Variants in LARP1B observed in about 807,000 individuals in gnomAD.
The protein encoded by LARP1B is La ribonucleoprotein 1B.
Under a neutral mutation model 114.2 loss-of-function variants are expected in LARP1B, and 76 were observed. The observed-to-expected ratio is 0.67, with a 90% CI of 0.55 to 0.81. LARP1B has a LOEUF of 0.81. Ranked by LOEUF, LARP1B falls within the 30% of genes least tolerant of loss-of-function variation. The pLI is 0.00. For missense variants in LARP1B, 1,014 were observed against 1,075.8 expected (o/e 0.94, Z 0.80); for synonymous variants, 345 against 348.0 (o/e 0.99, Z 0.10).
intron 15 of LARP1B, among the ~76,000 whole-genome samples, chr4:128,191,876 A>G (rs562198111): frequency 7.9e-5 from 12 of 152,234 alleles, no homozygotes; most frequent in South Asian, 2.1e-4. Flanking sequence ...ACTTTTTCCA[A>G]TGAAGAAGCT....
intron 1 of LARP1B, among the ~76,000 whole-genome samples, chr4:128,063,246 G>C (rs943214805): frequency 3.3e-5 from 5 of 150,852 alleles, no homozygotes; most frequent in Non-Finnish European, 5.9e-5. Flanking sequence ...GGCCAATATG[G>C]CGAAACCCCG....
At chr4:128,152,973 C>CTTTT (rs141211750) in intron 11 of LARP1B, among the ~76,000 whole-genome samples, 4 of 81,274 alleles carry the variant, frequency 4.9e-5, no homozygotes, top group Admixed American at 1.4e-4. Flanking sequence ...TTTGGTTTGC[C>CTTTT]TTTTTTTTTT....
At chr4:128,155,788 C>T (rs1347199058) in intron 11 of LARP1B, 19 of 1,591,148 alleles carry the variant, frequency 1.2e-5, no homozygotes, top group Non-Finnish European at 1.6e-5. Flanking sequence ...TGACTTCCTG[C>T]AGGCGGAGAC....
In LARP1B at chr4:128,082,303, G is replaced by A. The variant is rs756487712; in HGVS notation, c.356G>A (p.Arg119Gln). 5.6e-6 allele frequency: 9 copies of A among 1,613,078 alleles called. No homozygotes were observed. In the African/African-American group the frequency reaches 9.3e-5, roughly 17 times the overall value. ...CATAACAATAGGAGAAATGATACAC[G>A]AAGTAAGTTACCATTCTAAGACAAA... ...PTHNNRRNDT[R>Q]SWKRDREKRD... The change falls in exon 5 of 20, where the codon CGA (arginine) becomes CAA (glutamine). Residue 119 changes from arginine (R) to glutamine (Q), a missense_variant and splice_region_variant. Physicochemically the swap from Arg to Gln is conservative, Grantham distance 43. Coordinates refer to ENST00000326639, the MANE Select transcript of LARP1B (RefSeq NM_018078.4).
chr4:128,092,962 G>A (rs1580221009), intron 7 of LARP1B: 1 of 985,346 alleles, frequency 1.0e-6, no homozygotes, highest in Non-Finnish European at 1.2e-6. Context: ...ATACAAGTGA[G>A]GGAGGAGCAG....
chr4:128,091,824 C>T (rs940548509), intron 7 of LARP1B, among the ~76,000 whole-genome samples: 9 of 152,048 alleles, frequency 5.9e-5, no homozygotes, highest in Admixed American at 2.6e-4. Flanking sequence ...ATTGAACTCC[C>T]GGCCTCAGCT....
intron 10 of LARP1B, among the ~76,000 whole-genome samples, chr4:128,116,722 T>C (rs895702820): frequency 1.3e-5 from 2 of 152,190 alleles, no homozygotes; most frequent in Non-Finnish European, 1.5e-5. Context: ...AGCTCAGTTA[T>C]TGACATTATT....
At chr4:128,103,526 C>T (rs1781004489) in intron 8 of LARP1B, among the ~76,000 whole-genome samples, 1 of 151,138 alleles carries the variant, frequency 6.6e-6, no homozygotes, top group East Asian at 1.9e-4. Context: ...TACTATGATA[C>T]CTTACTACAT....
chr4:128,135,174 C>G (rs943540384), intron 11 of LARP1B, among the ~76,000 whole-genome samples: 1 of 151,358 alleles, frequency 6.6e-6, no homozygotes, highest in East Asian at 1.9e-4. Context: ...AAAAGATGCT[C>G]GAAGTCACTA....
rs752118319 is a variant in LARP1B, at chr4:128,200,567, C to T, written c.2211C>T (p.Leu737=). The T allele has an allele frequency of 1.9e-6, 3 of 1,592,276 alleles. No individual in the cohort carries two copies. The highest frequency in any genetic ancestry group is 2.6e-6 in the Non-Finnish European group (3 of 1,170,042). Residue 737 remains leucine (L), a synonymous_variant, in exon 17 of 20, where the codon CTC becomes CTT. Coordinates refer to ENST00000326639, the MANE Select transcript of LARP1B (RefSeq NM_018078.4). Reference sequence around the variant, plus strand: ...GTCAGTCCCAAGAAATGAATACCCTCTTTCGTTTCTGGTCCTTTTTCCTCA... The same window carrying T: ...GTCAGTCCCAAGAAATGAATACCCTTTTTCGTTTCTGGTCCTTTTTCCTCA... ...GIGQSQEMNT[L]FRFWSFFLRD...
chr4:128,082,386 A>G, intron 5 of LARP1B, 81 bp downstream of exon 5: 1 of 1,261,520 alleles, frequency 7.9e-7, no homozygotes, highest in East Asian at 2.3e-5. Context: ...ACATGTATAA[A>G]CCATTTGAGA....
intron 10 of LARP1B, among the ~76,000 whole-genome samples, chr4:128,120,803 A>AT (rs56253884): frequency 3.2e-3 from 412 of 128,978 alleles, no homozygotes; most frequent in African/African-American, 9.0e-3. Flanking sequence ...GGGGTAGACA[A>AT]TTTTTTTTTT....
intron 11 of LARP1B, among the ~76,000 whole-genome samples, chr4:128,139,011 G>A (rs1215873328): frequency 6.6e-6 from 1 of 151,962 alleles, no homozygotes; most frequent in African/African-American, 2.4e-5. Flanking sequence ...AAATATAGCA[G>A]TTTTTTAAAA....
chr4:128,214,035 G>A (rs1759323609), downstream of LARP1B, among the ~76,000 whole-genome samples: 2 of 150,142 alleles, frequency 1.3e-5, no homozygotes, highest in African/African-American at 4.9e-5. Context: ...TCAAAGAAAG[G>A]GGTGACGGAC....
At chr4:128,078,839 T>A (rs1456830801) in intron 4 of LARP1B, among the ~76,000 whole-genome samples, 1 of 152,090 alleles carries the variant, frequency 6.6e-6, no homozygotes, top group Admixed American at 6.6e-5. Context: ...AACTGTTAAG[T>A]TGTCAGTGAC....
At chr4:128,067,180 CA>C (rs899035002) in intron 1 of LARP1B, among the ~76,000 whole-genome samples, 5 of 152,082 alleles carry the variant, frequency 3.3e-5, no homozygotes, top group Non-Finnish European at 7.4e-5. Context: ...TTAAAGTTCA[CA>C]GTGGGTACCT....
At chr4:128,114,275 C>G (rs1312292179) in intron 9 of LARP1B, among the ~76,000 whole-genome samples, 12 of 152,084 alleles carry the variant, frequency 7.9e-5, no homozygotes, top group Admixed American at 7.9e-4. Context: ...ACTTGACTTC[C>G]TAATAGTTGT....
intron 11 of LARP1B, among the ~76,000 whole-genome samples, chr4:128,150,805 T>G (rs566041124): frequency 6.3e-4 from 96 of 152,266 alleles, no homozygotes; most frequent in Non-Finnish European, 1.2e-3. Context: ...GGACCTACCA[T>G]CAGACTGTAA....
Position 128,176,903 on chromosome 4 carries a change from GA to G in LARP1B, c.1683del (p.Asp562IlefsTer2). 1 of 1,613,864 alleles carries G rather than the reference GA, an allele frequency of 6.2e-7. No homozygotes were observed. Among genetic ancestry groups the G allele is most frequent in the South Asian group, 1.1e-5 (1 of 91,072 alleles). On this transcript the variant is annotated frameshift_variant, in exon 13 of 20. Transcript: ENST00000326639. LOFTEE classifies it high-confidence loss of function. Reference protein sequence around the residue: ...GVQGVLHIPKKDLTDELAQKL... With the variant: ...GVQGVLHIPKXDLTDELAQKL... ...TTCAAGGAGTGCTTCACATTCCCAA[GA>G]AAGGTAACATCTGTGGTGGGTATTA... is the stretch of plus-strand genomic sequence containing the variant.
Sources: allele counts gnomAD v4.1 joint callset (sites outside exome capture counted in the v4.1 genomes callset), GRCh38; gene constraint gnomAD v4.1.1; transcripts MANE v1.5; gene names NCBI Gene and HGNC (gene_info 2026-07-23, HGNC 2026-07-21).